HDAC9: variants seen among roughly 807,000 people sequenced by gnomAD.
HDAC9 encodes histone deacetylase 9.
In HDAC9, 41 loss-of-function variants were observed where a neutral mutation model predicts 139.4. The observed-to-expected ratio is 0.29, with a 90% CI of 0.23 to 0.38. The LOEUF (loss-of-function observed/expected upper bound fraction) is 0.38. Among genes scored for constraint, HDAC9 ranks in the 10% least tolerant of loss-of-function variants. The pLI is 1.00. For missense variants in HDAC9, 1,147 were observed against 1,297.0 expected (o/e 0.88, Z 1.78); for synonymous variants, 517 against 476.2 (o/e 1.09, Z -1.12).
At chr7:18,234,141 C>G (rs917540885) in intron 2 of HDAC9, among the ~76,000 whole-genome samples, 1 of 152,192 alleles carries the variant, frequency 6.6e-6, no homozygotes, top group Non-Finnish European at 1.5e-5. Flanking sequence ...CTTCCAGACA[C>G]ATGTTATATG....
intron 1 of HDAC9, among the ~76,000 whole-genome samples, chr7:18,424,382 A>G (rs1252741412): frequency 6.6e-6 from 1 of 152,210 alleles, no homozygotes; most frequent in East Asian, 1.9e-4. Flanking sequence ...AATTATACCT[A>G]CTTCATCAGG....
chr7:18,934,151 G>A (rs530644348), intron 22 of HDAC9, among the ~76,000 whole-genome samples: 12 of 151,986 alleles, frequency 7.9e-5, no homozygotes, highest in Non-Finnish European at 4.4e-5. Context: ...ATATAACTTA[G>A]GACGATATAG....
At chr7:18,303,230 T>G (rs1204159950) in intron 1 of HDAC9, among the ~76,000 whole-genome samples, 1 of 152,150 alleles carries the variant, frequency 6.6e-6, no homozygotes, top group African/African-American at 2.4e-5. Flanking sequence ...AGACTCTTTT[T>G]TTTTTGAGAC....
intron 1 of HDAC9, among the ~76,000 whole-genome samples, chr7:18,383,875 C>T (rs977255039): frequency 6.8e-6 from 1 of 146,650 alleles, no homozygotes; most frequent in African/African-American, 2.5e-5. Flanking sequence ...GGTGACAGAG[C>T]GAGACTCTGA....
chr7:18,429,383 C>T (rs1237663015), intron 1 of HDAC9: 2 of 152,104 alleles, frequency 1.3e-5, no homozygotes, highest in Non-Finnish European at 2.9e-5. Context: ...GTGCCAAGTT[C>T]TCATGTCTCA....
intron 7 of HDAC9, among the ~76,000 whole-genome samples, chr7:18,633,231 G>T (rs929072567): frequency 2.6e-5 from 4 of 152,094 alleles, no homozygotes; most frequent in Non-Finnish European, 5.9e-5. Context: ...TGGATGTAGA[G>T]AATGCCACTG....
intron 14 of HDAC9, 49 bp downstream of exon 14, chr7:18,749,187 A>G: frequency 6.3e-7 from 1 of 1,582,492 alleles, no homozygotes; most frequent in Non-Finnish European, 8.7e-7. Flanking sequence ...TAAATCATGT[A>G]AAGAGGCCAG....
intron 17 of HDAC9, among the ~76,000 whole-genome samples, chr7:18,814,420 A>G (rs1562959697): frequency 2.6e-5 from 4 of 152,156 alleles, no homozygotes; most frequent in Admixed American, 6.5e-5. Flanking sequence ...TGGTTTATGT[A>G]TATTGCGGAT....
intron 21 of HDAC9, among the ~76,000 whole-genome samples, chr7:18,859,849 T>G (rs1466412632): frequency 1.6e-5 from 2 of 125,962 alleles, no homozygotes; most frequent in East Asian, 5.3e-4. Flanking sequence ...TATATATATA[T>G]ATATATATAT....
intron 1 of HDAC9, among the ~76,000 whole-genome samples, chr7:18,388,399 A>G (rs370550479): frequency 1.3e-5 from 2 of 152,288 alleles, no homozygotes; most frequent in Middle Eastern, 3.4e-3. Flanking sequence ...TGAAGCCCCA[A>G]TATTGTTTTG....
chr7:18,271,511 A>G (rs768688987), intron 2 of HDAC9, among the ~76,000 whole-genome samples: 2 of 152,206 alleles, frequency 1.3e-5, no homozygotes, highest in Admixed American at 1.3e-4. Context: ...AACATCTGGT[A>G]CCAGTTTCCC....
chr7:18,090,221 A>G (rs1281041970), intron 1 of HDAC9, among the ~76,000 whole-genome samples: 1 of 152,200 alleles, frequency 6.6e-6, no homozygotes, highest in Non-Finnish European at 1.5e-5. Flanking sequence ...CTTAACATCT[A>G]TATTTCCTGT....
intron 2 of HDAC9, among the ~76,000 whole-genome samples, chr7:18,272,778 T>G (rs1305871158): frequency 6.6e-6 from 1 of 152,126 alleles, no homozygotes; most frequent in Non-Finnish European, 1.5e-5. Flanking sequence ...ATCAAGACCT[T>G]AACAAATTTT....
At chr7:18,346,500 C>T (rs2128668049) in intron 1 of HDAC9, among the ~76,000 whole-genome samples, 1 of 152,042 alleles carries the variant, frequency 6.6e-6, no homozygotes, top group East Asian at 1.9e-4. Context: ...TTATGTTGAA[C>T]TAAAAGATAT....
chr7:18,583,691 C>G (rs1220290787), intron 2 of HDAC9, among the ~76,000 whole-genome samples: 1 of 152,138 alleles, frequency 6.6e-6, no homozygotes, highest in Non-Finnish European at 1.5e-5. Context: ...AAGTTCTAGA[C>G]TGCAGTGAGC....
At chr7:18,118,168 T>C (rs1784131648) in intron 1 of HDAC9, among the ~76,000 whole-genome samples, 1 of 152,234 alleles carries the variant, frequency 6.6e-6, no homozygotes, top group East Asian at 1.9e-4. Flanking sequence ...ATGAGGATTA[T>C]ATTGTTATTA....
chr7:18,816,784 G>A (rs1022214129), intron 17 of HDAC9, among the ~76,000 whole-genome samples: 2 of 152,160 alleles, frequency 1.3e-5, no homozygotes, highest in African/African-American at 4.8e-5. Flanking sequence ...CAAAGACACT[G>A]TGTTTAATTT....
intron 17 of HDAC9, among the ~76,000 whole-genome samples, chr7:18,797,778 G>A (rs1245035124): frequency 2.0e-5 from 3 of 151,850 alleles, no homozygotes; most frequent in South Asian, 2.1e-4. Flanking sequence ...ACAGTGAGCC[G>A]AGATTGCACT....
intron 25 of HDAC9, among the ~76,000 whole-genome samples, chr7:18,990,340 G>A (rs941863864): frequency 1.3e-5 from 2 of 151,128 alleles, no homozygotes; most frequent in Non-Finnish European, 2.9e-5. Context: ...GCTGAGGGGT[G>A]CCTCCCAGTT....
Sources: gnomAD v4.1 joint callset for allele counts (sites outside exome capture counted in the v4.1 genomes callset) on GRCh38, gnomAD v4.1.1 for gene constraint, MANE v1.5 for transcripts, NCBI Gene and HGNC (gene_info 2026-07-23, HGNC 2026-07-21) for gene names.